MARCHF5: variants seen among roughly 807,000 people sequenced by gnomAD.
The protein encoded by MARCHF5 is E3 ubiquitin-protein ligase MARCHF5.
Under a neutral mutation model 36.5 loss-of-function variants are expected in MARCHF5, and 5 were observed. The observed-to-expected ratio is 0.14, with a 90% CI of 0.07 to 0.29. The LOEUF (loss-of-function observed/expected upper bound fraction) is 0.29, where lower values mean the gene tolerates loss of function less well. Ranked by LOEUF, MARCHF5 falls within the 10% of genes least tolerant of loss-of-function variation. The pLI is 1.00. For synonymous variants in MARCHF5, 103 were observed against 109.9 expected, an observed-to-expected ratio of 0.94 and a Z score of 0.39; for missense variants, 179 against 336.3, an observed-to-expected ratio of 0.53 and a Z score of 3.66.
chr10:92,291,349 A>T lies in MARCHF5; in HGVS notation c.-146A>T, dbSNP rs1386498420. The T allele has an allele frequency of 8.0e-5, 58 of 727,568 alleles. No individual in the cohort carries two copies. Among genetic ancestry groups the T allele is most frequent in the Non-Finnish European group, 1.4e-4 (58 of 424,778 alleles). 45.1% of individuals were successfully genotyped at this position (727,568 alleles called of 1,614,324 possible). A position where few individuals can be genotyped will look rare whatever the true frequency, so the allele number is the denominator to read the frequency against. ...GGCCCTGCACCGCCGCCGCCAGGCT[A>T]GCGGAGCTGCCCCGGGAAGCTGGGT... On this transcript the variant is annotated 5_prime_UTR_variant, in exon 1 of 6. Coordinates refer to ENST00000358935, the MANE Select transcript of MARCHF5 (RefSeq NM_017824.5).
intron 2 of MARCHF5, among the ~76,000 whole-genome samples, chr10:92,338,457 A>T (rs1220247209): frequency 6.6e-6 from 1 of 152,224 alleles, no homozygotes; most frequent in Non-Finnish European, 1.5e-5. Context: ...AGAAATGCTA[A>T]CTATTTATTA....
chr10:92,341,987 C>G (rs934961419), intron 3 of MARCHF5, among the ~76,000 whole-genome samples: 1 of 151,792 alleles, frequency 6.6e-6, no homozygotes, highest in Non-Finnish European at 1.5e-5. Context: ...AGGGGTCTCA[C>G]TATGTTACCA....
chr10:92,312,173 G>T (rs1298151478), intron 2 of MARCHF5, among the ~76,000 whole-genome samples: 2 of 152,120 alleles, frequency 1.3e-5, no homozygotes, highest in Non-Finnish European at 2.9e-5. Context: ...GGAAAAATTG[G>T]AAATAATTAT....
intron 1 of MARCHF5, among the ~76,000 whole-genome samples, chr10:92,293,997 T>A (rs530360263): frequency 6.6e-6 from 1 of 152,310 alleles, no homozygotes; most frequent in South Asian, 2.1e-4. Context: ...TACTTCCATG[T>A]TAGAATTACC....
Position 92,351,269 on chromosome 10 carries a change from T to C in MARCHF5, c.*62T>C, listed in dbSNP as rs1483441969. On this transcript the variant is annotated 3_prime_UTR_variant, in exon 6 of 6. Transcript: ENST00000358935. ...TATGAATCTGTTGTGTTGTTTTGAT[T>C]CCATCATTAATGCACTTGTGGAGAC... The C allele has an allele frequency of 1.9e-6, 2 of 1,048,290 alleles. No individual in the cohort carries two copies. Among genetic ancestry groups the C allele is most frequent in the Non-Finnish European group, 2.9e-6 (2 of 683,816 alleles). The allele number at this position is 1,048,290 out of a possible 1,614,324, so 64.9% of individuals were successfully genotyped here.
Position 92,353,126 on chromosome 10 carries a change from A to T in MARCHF5, c.*1919A>T, listed in dbSNP as rs1843737026. The T allele has an allele frequency of 6.6e-6, 1 of 152,062 alleles. No homozygotes were observed. The highest frequency in any genetic ancestry group is 2.4e-5 in the African/African-American group (1 of 41,418). The allele number at this position is 152,062 out of a possible 1,614,324, so 9.4% of individuals were successfully genotyped here. A position where few individuals can be genotyped will look rare whatever the true frequency, so the allele number is the denominator to read the frequency against. On this transcript the variant is annotated 3_prime_UTR_variant, in exon 6 of 6. Coordinates refer to ENST00000358935, the MANE Select transcript of MARCHF5 (RefSeq NM_017824.5). ...ACAACTCTAATCCTTTTGGGGCAGG[A>T]GGGAGGGTTTTTTTAGGGTTGCGGG...
chr10:92,349,144 A>T (rs1843689097), intron 3 of MARCHF5, among the ~76,000 whole-genome samples: 1 of 152,156 alleles, frequency 6.6e-6, no homozygotes, highest in East Asian at 1.9e-4. Flanking sequence ...TGTGGTATGA[A>T]ATGGCTTGGG....
intron 2 of MARCHF5, among the ~76,000 whole-genome samples, chr10:92,323,476 A>G (rs1332273744): frequency 6.6e-6 from 1 of 152,184 alleles, no homozygotes; most frequent in Non-Finnish European, 1.5e-5. Flanking sequence ...GGGTTGATTC[A>G]GGGTTTTGAC....
intron 2 of MARCHF5, among the ~76,000 whole-genome samples, chr10:92,315,900 G>T (rs1011462824): frequency 9.9e-5 from 15 of 152,162 alleles, no homozygotes; most frequent in African/African-American, 3.6e-4. Flanking sequence ...GTGATCCTTA[G>T]AATGTAACAG....
chr10:92,348,208 G>A (rs1262435679), intron 3 of MARCHF5, among the ~76,000 whole-genome samples: 2 of 147,268 alleles, frequency 1.4e-5, no homozygotes, highest in African/African-American at 5.0e-5. Flanking sequence ...AAAATTTTTG[G>A]CCAGGCACGG....
intron 3 of MARCHF5, among the ~76,000 whole-genome samples, chr10:92,348,480 C>G (rs1843682654): frequency 6.6e-6 from 1 of 152,120 alleles, no homozygotes; most frequent in South Asian, 2.1e-4. Flanking sequence ...CACAGCGAGA[C>G]TCCATCTCAA....
At chr10:92,322,842 A>G (rs1365971203) in intron 2 of MARCHF5, among the ~76,000 whole-genome samples, 2 of 150,954 alleles carry the variant, frequency 1.3e-5, no homozygotes, top group Non-Finnish European at 2.9e-5. Flanking sequence ...GGTTCAAGCA[A>G]TTCTCCTGCC....
intron 2 of MARCHF5, among the ~76,000 whole-genome samples, chr10:92,314,171 C>G (rs1383435356): frequency 6.6e-6 from 1 of 151,800 alleles, no homozygotes; most frequent in Non-Finnish European, 1.5e-5. Context: ...ATGATTGCGC[C>G]ACTACCCTCT....
chr10:92,344,674 A>G (rs983265388), intron 3 of MARCHF5, among the ~76,000 whole-genome samples: 1 of 152,122 alleles, frequency 6.6e-6, no homozygotes, highest in African/African-American at 2.4e-5. Flanking sequence ...TTCCTTAACA[A>G]CCCTGCAGTA....
At chr10:92,309,638 A>G (rs1843121823) in intron 1 of MARCHF5, among the ~76,000 whole-genome samples, 1 of 152,182 alleles carries the variant, frequency 6.6e-6, no homozygotes, top group East Asian at 1.9e-4. Context: ...TACTAACAAC[A>G]TCTTAACCAG....
chr10:92,334,580 A>G (rs543016406), intron 2 of MARCHF5: 2 of 152,368 alleles, frequency 1.3e-5, no homozygotes, highest in East Asian at 3.9e-4. Flanking sequence ...TCTGGGTGTT[A>G]TTATAAGCAA....
chr10:92,345,951 A>G lies in MARCHF5; in HGVS notation c.370-3398A>G, dbSNP rs554119313. ...GTTACCCACCTACCTCAGCCTCCCA[A>G]AGTGCTTGGATTACAGGCGTGAGCC... On this transcript the variant is annotated intron_variant, in intron 3 of 5. Coordinates refer to ENST00000358935, the MANE Select transcript of MARCHF5 (RefSeq NM_017824.5). Among the ~76,000 whole-genome samples, 9 of 152,058 alleles carry G rather than the reference A, an allele frequency of 5.9e-5. No individual in the cohort carries two copies. In the South Asian group the frequency reaches 1.0e-3, roughly 18 times the overall value.
At chr10:92,319,037 A>C (rs1843252922) in intron 2 of MARCHF5, among the ~76,000 whole-genome samples, 2 of 152,092 alleles carry the variant, frequency 1.3e-5, no homozygotes, top group African/African-American at 4.8e-5. Context: ...GCCGTACTAC[A>C]CTGTACTTAA....
At chr10:92,335,197 A>G (rs1390445502) in intron 2 of MARCHF5, among the ~76,000 whole-genome samples, 1 of 152,154 alleles carries the variant, frequency 6.6e-6, no homozygotes, top group East Asian at 1.9e-4. Flanking sequence ...GCCTTTTTCT[A>G]CTTCCCATAA....
Sources: gnomAD v4.1 joint callset for allele counts (sites outside exome capture counted in the v4.1 genomes callset) on GRCh38, gnomAD v4.1.1 for gene constraint, MANE v1.5 for transcripts, NCBI Gene and HGNC (gene_info 2026-07-23, HGNC 2026-07-21) for gene names.